The following SORCS3 variants were observed in gnomAD, a reference collection of about 807,000 sequenced individuals.
The protein encoded by SORCS3 is VPS10 domain-containing receptor SorCS3.
Under a neutral mutation model 146.3 loss-of-function variants are expected in SORCS3, and 57 were observed. The observed-to-expected ratio is 0.39, with a 90% CI of 0.31 to 0.49. The LOEUF is 0.49. Among genes scored for constraint, SORCS3 ranks in the 20% least tolerant of loss-of-function variants. SORCS3 has a pLI of 0.92. For synonymous variants in SORCS3, 653 were observed against 618.5 expected (o/e 1.06, Z -0.83); for missense variants, 1,341 against 1,575.5 (o/e 0.85, Z 2.52).
At chr10:104,890,287 A>G (rs975306070) in intron 2 of SORCS3, among the ~76,000 whole-genome samples, 3 of 150,406 alleles carry the variant, frequency 2.0e-5, no homozygotes, top group African/African-American at 7.3e-5. Context: ...CCTTTTAGAG[A>G]CTCTGATTAC....
intron 7 of SORCS3, among the ~76,000 whole-genome samples, chr10:105,119,787 C>T (rs1423282755): frequency 6.6e-6 from 1 of 152,094 alleles, no homozygotes; most frequent in Non-Finnish European, 1.5e-5. Flanking sequence ...TTACCCAATG[C>T]CTATACCCCC....
At chr10:105,045,234 G>C (rs1002784504) in intron 5 of SORCS3, among the ~76,000 whole-genome samples, 2 of 152,052 alleles carry the variant, frequency 1.3e-5, no homozygotes, top group African/African-American at 4.8e-5. Context: ...ATTTTGCAAA[G>C]AGCAAGAGGA....
chr10:104,916,438 A>G (rs1230009583), intron 3 of SORCS3, among the ~76,000 whole-genome samples: 1 of 152,168 alleles, frequency 6.6e-6, no homozygotes, highest in African/African-American at 2.4e-5. Flanking sequence ...GGCTTCTTCA[A>G]CTTGATCCTG....
At chr10:104,778,963 G>A (rs1038259828) in intron 1 of SORCS3, among the ~76,000 whole-genome samples, 2 of 152,164 alleles carry the variant, frequency 1.3e-5, no homozygotes, top group African/African-American at 4.8e-5. Flanking sequence ...GGATCTTGAG[G>A]GGGGATCATT....
intron 2 of SORCS3, among the ~76,000 whole-genome samples, chr10:104,899,643 T>C (rs770160360): frequency 2.6e-5 from 4 of 152,140 alleles, no homozygotes; most frequent in Non-Finnish European, 5.9e-5. Context: ...ACAAAGTAGG[T>C]CAGGAAATGG....
intron 1 of SORCS3, among the ~76,000 whole-genome samples, chr10:104,818,245 A>T (rs145834753): frequency 6.6e-6 from 1 of 152,130 alleles, no homozygotes; most frequent in Non-Finnish European, 1.5e-5. Flanking sequence ...ACAAAAGTGC[A>T]TGTCTCCAGG....
chr10:105,026,735 C>A (rs766944328), intron 4 of SORCS3, among the ~76,000 whole-genome samples: 1 of 152,138 alleles, frequency 6.6e-6, no homozygotes, highest in Non-Finnish European at 1.5e-5. Flanking sequence ...AAATGCAAAA[C>A]CAAATACCAC....
At chr10:104,995,164 C>T (rs541071804) in intron 4 of SORCS3, among the ~76,000 whole-genome samples, 10,713 of 137,126 alleles carry the variant, frequency 0.078, 461 homozygotes, top group African/African-American at 0.11. Context: ...CTTTCTTTCT[C>T]TTTTTTTTTT....
chr10:105,118,977 T>A (rs968382930), intron 7 of SORCS3, among the ~76,000 whole-genome samples: 17 of 152,212 alleles, frequency 1.1e-4, no homozygotes, highest in Non-Finnish European at 1.5e-5. Context: ...GAGCCAAATG[T>A]TAATCATCAA....
At chr10:105,067,697 A>C (rs981658051) in intron 5 of SORCS3, among the ~76,000 whole-genome samples, 2 of 151,936 alleles carry the variant, frequency 1.3e-5, no homozygotes, top group Non-Finnish European at 2.9e-5. Flanking sequence ...TACTTCCTTT[A>C]CTGCAACCAT....
intron 3 of SORCS3, among the ~76,000 whole-genome samples, chr10:104,959,883 C>T (rs982204433): frequency 1.3e-5 from 2 of 152,186 alleles, no homozygotes; most frequent in Non-Finnish European, 2.9e-5. Flanking sequence ...TGTCTCTCCT[C>T]TGGGTGAACA....
At chr10:104,747,051 C>T (rs2016919581) in intron 1 of SORCS3, among the ~76,000 whole-genome samples, 1 of 152,172 alleles carries the variant, frequency 6.6e-6, no homozygotes, top group South Asian at 2.1e-4. Flanking sequence ...TGTGTGAATT[C>T]ACGTTCATGC....
chr10:104,720,121 C>A (rs937837060), intron 1 of SORCS3, among the ~76,000 whole-genome samples: 1 of 151,986 alleles, frequency 6.6e-6, no homozygotes, highest in African/African-American at 2.4e-5. Context: ...TCCTATCCCT[C>A]CCCCTTCCCC....
intron 4 of SORCS3, among the ~76,000 whole-genome samples, chr10:104,996,657 T>C (rs1425163360): frequency 6.6e-6 from 1 of 152,144 alleles, no homozygotes; most frequent in African/African-American, 2.4e-5. Context: ...AGATAGGCCA[T>C]ATTCTGGTCA....
chr10:104,807,318 G>T (rs1356394039), intron 1 of SORCS3, among the ~76,000 whole-genome samples: 1 of 152,122 alleles, frequency 6.6e-6, no homozygotes, highest in Non-Finnish European at 1.5e-5. Context: ...TCTGTTTGGG[G>T]ATTCCTTGGC....
intron 1 of SORCS3, chr10:104,822,139 G>C (rs1274395284): frequency 1.9e-6 from 1 of 517,042 alleles, no homozygotes; most frequent in East Asian, 5.5e-5. Flanking sequence ...AATCTGATCT[G>C]TCCTCAGTTT....
chr10:104,839,731 T>C (rs995319755), intron 1 of SORCS3, among the ~76,000 whole-genome samples: 10 of 152,140 alleles, frequency 6.6e-5, no homozygotes, highest in African/African-American at 2.2e-4. Context: ...TGGAAGGATA[T>C]GTGAGTCTGG....
At chr10:104,875,665 C>T (rs1035024759) in intron 2 of SORCS3, among the ~76,000 whole-genome samples, 2 of 152,172 alleles carry the variant, frequency 1.3e-5, no homozygotes, top group African/African-American at 4.8e-5. Context: ...TGAGACCCAG[C>T]TGCTCTAATG....
intron 3 of SORCS3, among the ~76,000 whole-genome samples, chr10:104,957,665 T>C (rs2019509718): frequency 6.6e-6 from 1 of 152,076 alleles, no homozygotes. Flanking sequence ...CTCTCCTACC[T>C]CTTCCCACCC....
Sources: allele counts gnomAD v4.1 joint callset (sites outside exome capture counted in the v4.1 genomes callset), GRCh38; gene constraint gnomAD v4.1.1; transcripts MANE v1.5; gene names NCBI Gene and HGNC (gene_info 2026-07-23, HGNC 2026-07-21).